Variants in CBFA2T3 observed in about 807,000 individuals in gnomAD.
CBFA2T3 encodes the protein transcriptional corepressor CBFA2T3.
A neutral mutation model predicts 58.6 loss-of-function variants in CBFA2T3; 31 were observed. The observed-to-expected ratio is 0.53, with a 90% CI of 0.40 to 0.71. The LOEUF is 0.71. Among genes scored for constraint, CBFA2T3 ranks in the 30% least tolerant of loss-of-function variants. The pLI, the probability that CBFA2T3 is intolerant of heterozygous loss-of-function variation, is 0.00. For missense variants in CBFA2T3, 1,076 were observed against 963.1 expected, an observed-to-expected ratio of 1.12 and a Z score of -1.55; for synonymous variants, 531 against 421.9, an observed-to-expected ratio of 1.26 and a Z score of -3.17.
At chr16:88,888,198 C>T (rs1477992439) in intron 5 of CBFA2T3, among the ~76,000 whole-genome samples, 2 of 151,812 alleles carry the variant, frequency 1.3e-5, no homozygotes, top group Admixed American at 6.6e-5. Context: ...AGCAGGCCCC[C>T]ACTCTCTCCG....
chr16:88,916,668 G>A (rs1314615681), intron 1 of CBFA2T3, among the ~76,000 whole-genome samples: 2 of 145,874 alleles, frequency 1.4e-5, no homozygotes, highest in African/African-American at 5.6e-5. Flanking sequence ...GAAGGGGGAT[G>A]GGGGGCTCCT....
At chr16:88,964,939 TCCATCCATC>T (rs1972460015) in intron 1 of CBFA2T3, among the ~76,000 whole-genome samples, 1 of 148,954 alleles carries the variant, frequency 6.7e-6, no homozygotes, top group African/African-American at 2.5e-5. Flanking sequence ...CATCCATCCA[TCCATCCATC>T]CATCTATCCA....
intron 1 of CBFA2T3, among the ~76,000 whole-genome samples, chr16:88,933,805 C>T (rs947680746): frequency 1.4e-4 from 22 of 152,192 alleles, no homozygotes; most frequent in Non-Finnish European, 2.6e-4. Flanking sequence ...ATAGTGGCCA[C>T]TTCATGCCAC....
chr16:88,882,885 G>C, intron 7 of CBFA2T3, 124 bp from the exon 8 acceptor site: 1 of 708,164 alleles, frequency 1.4e-6, no homozygotes, highest in Non-Finnish European at 2.5e-6. Context: ...ACGATGGACA[G>C]GGTAACCGAA....
intron 1 of CBFA2T3, among the ~76,000 whole-genome samples, chr16:88,919,696 G>A (rs1970849798): frequency 6.6e-6 from 1 of 152,182 alleles, no homozygotes; most frequent in African/African-American, 2.4e-5. Flanking sequence ...AGTTACTTCT[G>A]AGCACGTGCA....
intron 9 of CBFA2T3, 58 bp from the exon 10 acceptor site, chr16:88,880,846 G>C: frequency 6.8e-7 from 1 of 1,469,342 alleles, no homozygotes; most frequent in Non-Finnish European, 9.3e-7. Flanking sequence ...TCCCACGCTG[G>C]GGCCCTCCCC....
At chr16:88,931,247 G>A (rs1308600432) in intron 1 of CBFA2T3, among the ~76,000 whole-genome samples, 2 of 152,074 alleles carry the variant, frequency 1.3e-5, no homozygotes, top group African/African-American at 2.4e-5. Flanking sequence ...GGTAGCGGAG[G>A]CACTGCTGTG....
intron 1 of CBFA2T3, among the ~76,000 whole-genome samples, chr16:88,935,579 G>A (rs1051128601): frequency 1.3e-5 from 2 of 152,330 alleles, no homozygotes; most frequent in East Asian, 1.9e-4. Context: ...GGCTGTCCTC[G>A]CGTGGGTGGA....
intron 8 of CBFA2T3, 27 bp downstream of exon 8, chr16:88,882,649 T>TG (rs765000997): frequency 6.8e-7 from 1 of 1,477,300 alleles, no homozygotes; most frequent in East Asian, 2.4e-5. Flanking sequence ...CATGGCTGTG[T>TG]GGGCGTGGCT....
Position 88,876,665 on chromosome 16 carries a change from C to T in CBFA2T3, c.*311G>A, listed in dbSNP as rs1313654444. The T allele has an allele frequency of 2.8e-6, 1 of 354,072 alleles. No individual in the cohort carries two copies. Among genetic ancestry groups the T allele is most frequent in the South Asian group, 1.2e-4 (1 of 8,360 alleles). 21.9% of individuals were successfully genotyped at this position (354,072 alleles called of 1,614,324 possible). ...AGAGAGGTGGGCAGAGCCGCCGCGC[C>T]TGCGGCATCTGCTCTGCTGTCTAAA... is the stretch of plus-strand genomic sequence containing the variant. On this transcript the variant is annotated 3_prime_UTR_variant, in exon 12 of 12. Coordinates refer to ENST00000268679, the MANE Select transcript of CBFA2T3 (RefSeq NM_005187.6).
intron 1 of CBFA2T3, among the ~76,000 whole-genome samples, chr16:88,944,899 C>T (rs1270038678): frequency 6.6e-6 from 1 of 152,210 alleles, no homozygotes; most frequent in African/African-American, 2.4e-5. Flanking sequence ...CACCGGGACC[C>T]AGAAAGCTTG....
At chr16:88,931,575 G>A (rs1296381493) in intron 1 of CBFA2T3, among the ~76,000 whole-genome samples, 3 of 151,390 alleles carry the variant, frequency 2.0e-5, no homozygotes, top group East Asian at 2.0e-4. Flanking sequence ...GCCGTGGGCC[G>A]GCCCCGTGGA....
intron 1 of CBFA2T3, among the ~76,000 whole-genome samples, chr16:88,966,056 C>T (rs905659591): frequency 6.6e-6 from 1 of 152,196 alleles, no homozygotes; most frequent in Non-Finnish European, 1.5e-5. Context: ...CTGGGCCACT[C>T]CTTGGCCAGG....
At chr16:88,901,860 G>A (rs1275453741) in intron 1 of CBFA2T3, among the ~76,000 whole-genome samples, 2 of 152,188 alleles carry the variant, frequency 1.3e-5, no homozygotes, top group Non-Finnish European at 2.9e-5. Flanking sequence ...GCTTGGGCCA[G>A]CTCATCTGAG....
chr16:88,899,597 C>T lies in CBFA2T3; in HGVS notation c.305-1445G>A, dbSNP rs188572620. ...TTCACAGGTCTCCAGAAGCAGAGCC[C>T]GACGCTCTGCTGATCCCAACCCACC... is the stretch of plus-strand genomic sequence containing the variant. On this transcript the variant is annotated intron_variant, in intron 2 of 11. Transcript: ENST00000268679. 4.2e-3 allele frequency among the ~76,000 whole-genome samples: 634 copies of T among 152,168 alleles called. 14 individuals are homozygous for T. The highest frequency in any genetic ancestry group is 9.9e-4 in the Non-Finnish European group (67 of 67,996).
At chr16:88,919,368 G>T (rs898456065) in intron 1 of CBFA2T3, among the ~76,000 whole-genome samples, 2 of 152,202 alleles carry the variant, frequency 1.3e-5, no homozygotes, top group Non-Finnish European at 2.9e-5. Flanking sequence ...GCTGGCGAGT[G>T]TACCCTTTCT....
intron 1 of CBFA2T3, among the ~76,000 whole-genome samples, chr16:88,920,500 GT>G (rs1388468587): frequency 6.6e-6 from 1 of 151,130 alleles, no homozygotes; most frequent in Non-Finnish European, 1.5e-5. Context: ...GGCCAGGCTG[GT>G]CTCGAACTCC....
In CBFA2T3 at chr16:88,977,064, T is replaced by A. The variant is rs1184900747; in HGVS notation, c.-257A>T. ...CTGGGGCTGCAGGCTGGGGAAGGTC[T>A]CCCTGCAGCCTGCGGGTGAGGCAGC... On this transcript the variant is annotated 5_prime_UTR_variant, in exon 1 of 12. It introduces an in-frame stop codon into an upstream open reading frame of the 5' UTR. Transcript: ENST00000268679. 2.4e-6 allele frequency: 1 copy of A among 421,950 alleles called. No individual in the cohort carries two copies. The highest frequency in any genetic ancestry group is 3.4e-5 in the East Asian group (1 of 29,042). The allele number at this position is 421,950 out of a possible 1,614,324, so 26.1% of individuals were successfully genotyped here.
chr16:88,966,689 C>T (rs990685865), intron 1 of CBFA2T3, among the ~76,000 whole-genome samples: 3 of 152,128 alleles, frequency 2.0e-5, no homozygotes, highest in African/African-American at 7.2e-5. Context: ...CCACTGCCTG[C>T]CATCACCAAC....
Sources: gnomAD v4.1 joint callset for allele counts (sites outside exome capture counted in the v4.1 genomes callset) on GRCh38, gnomAD v4.1.1 for gene constraint, MANE v1.5 for transcripts, NCBI Gene and HGNC (gene_info 2026-07-23, HGNC 2026-07-21) for gene names.